Variants in DHRSX observed in about 807,000 individuals in gnomAD.
DHRSX encodes the protein dehydrogenase/reductase X-linked, also known as polyprenol dehydrogenase.
A neutral mutation model predicts 34.0 loss-of-function variants in DHRSX; 31 were observed. That is an observed-to-expected ratio of 0.91 (90% CI 0.69 to 1.23). The LOEUF is 1.23. DHRSX is among the 50% of genes most tolerant of loss of function. DHRSX has a pLI of 0.00. For synonymous variants in DHRSX, 201 were observed against 183.8 expected, an observed-to-expected ratio of 1.09 and a Z score of -0.76; for missense variants, 414 against 428.1, an observed-to-expected ratio of 0.97 and a Z score of 0.29.
chrX:2,262,689 C>G (rs1259775723), intron 5 of DHRSX, among the ~76,000 whole-genome samples: 1 of 152,248 alleles, frequency 6.6e-6, no homozygotes, highest in African/African-American at 2.4e-5. Context: ...TCCTCTCACC[C>G]GCCCTTCCCT....
At chrX:2,321,607 A>T (rs1247345926) in intron 3 of DHRSX, among the ~76,000 whole-genome samples, 1 of 151,958 alleles carries the variant, frequency 6.6e-6, no homozygotes, top group Non-Finnish European at 1.5e-5. Context: ...CTGCGAGACC[A>T]TCTGTAAACC....
Position 2,345,750 on chromosome X carries a change from C to G in DHRSX, c.287-54147G>C, listed in dbSNP as rs182360829. Among the ~76,000 whole-genome samples the G allele has an allele frequency of 7.9e-5, 12 of 151,852 alleles. No homozygotes were observed. The East Asian group carries it at 1.2e-3, about 15-fold the overall frequency. ...GGGCCTGGTCCAATCAGTTGAAGGT[C>G]TGACTAGAACAGAAGACTAATGTTA... On this transcript the variant is annotated intron_variant, in intron 3 of 6. Coordinates refer to ENST00000334651, the MANE Select transcript of DHRSX (RefSeq NM_145177.3).
At chrX:2,323,178 T>A (rs1263497974) in intron 3 of DHRSX, among the ~76,000 whole-genome samples, 4 of 152,114 alleles carry the variant, frequency 2.6e-5, no homozygotes, top group Non-Finnish European at 5.9e-5. Flanking sequence ...TACCCAAAGT[T>A]ATCCAACCAA....
At chrX:2,248,273 A>G (rs1285849179) in intron 5 of DHRSX, among the ~76,000 whole-genome samples, 4 of 152,026 alleles carry the variant, frequency 2.6e-5, no homozygotes, top group African/African-American at 9.7e-5. Context: ...CTCTACTAAA[A>G]ATACAAAAAA....
intron 5 of DHRSX, among the ~76,000 whole-genome samples, chrX:2,245,546 G>T (rs943628732): frequency 1.5e-4 from 22 of 150,846 alleles, no homozygotes; most frequent in African/African-American, 4.9e-4. Context: ...CTGACCTCAG[G>T]TGATCCGCCT....
chrX:2,375,452 T>C (rs1661309580), intron 3 of DHRSX, among the ~76,000 whole-genome samples: 1 of 138,222 alleles, frequency 7.2e-6, no homozygotes, highest in South Asian at 2.3e-4. Flanking sequence ...CCCCTCGCAG[T>C]TTATATTTAG....
chrX:2,340,636 C>T (rs1271282006), intron 3 of DHRSX, among the ~76,000 whole-genome samples: 7 of 152,176 alleles, frequency 4.6e-5, no homozygotes, highest in Non-Finnish European at 1.0e-4. Context: ...CTGGACTCCC[C>T]GCCAGACACC....
intron 3 of DHRSX, among the ~76,000 whole-genome samples, chrX:2,379,608 T>TG (rs898290386): frequency 3.1e-4 from 44 of 143,656 alleles, no homozygotes; most frequent in South Asian, 8.9e-4. Context: ...TTTTTTTTTT[T>TG]TTTTTTTTTT....
intron 3 of DHRSX, among the ~76,000 whole-genome samples, chrX:2,357,715 A>G (rs1602999128): frequency 6.6e-6 from 1 of 151,928 alleles, no homozygotes; most frequent in East Asian, 1.9e-4. Flanking sequence ...AAAAAAAAAA[A>G]AAAAAGAATC....
intron 1 of DHRSX, among the ~76,000 whole-genome samples, chrX:2,460,112 C>A (rs1412188538): frequency 6.6e-6 from 1 of 151,936 alleles, no homozygotes; most frequent in Admixed American, 6.6e-5. Context: ...CCTTCTCAAA[C>A]AAACAAACAA....
At chrX:2,282,860 GGGGAGAGAGA>G (rs953682709) in intron 4 of DHRSX, among the ~76,000 whole-genome samples, 22 of 133,850 alleles carry the variant, frequency 1.6e-4, no homozygotes, top group African/African-American at 4.5e-4. Context: ...GAAGGGAGAA[GGGGAGAGAGA>G]GGGGGAGAGA....
chrX:2,496,099 C>T (rs968917587), intron 1 of DHRSX, among the ~76,000 whole-genome samples: 3 of 152,174 alleles, frequency 2.0e-5, no homozygotes, highest in African/African-American at 7.2e-5. Flanking sequence ...AGGAGGAATC[C>T]GTTTCAGTGA....
intron 3 of DHRSX, among the ~76,000 whole-genome samples, chrX:2,344,382 C>A (rs193082211): frequency 2.0e-4 from 31 of 152,198 alleles, no homozygotes; most frequent in Non-Finnish European, 3.8e-4. Flanking sequence ...AATAGGAACG[C>A]TTTTACACTG....
intron 3 of DHRSX, among the ~76,000 whole-genome samples, chrX:2,325,627 G>C (rs1476353307): frequency 6.8e-6 from 1 of 147,922 alleles, no homozygotes; most frequent in Non-Finnish European, 1.5e-5. Context: ...CCAATCTCTC[G>C]GAGAGCCCCG....
chrX:2,327,805 G>T (rs2042405120), intron 3 of DHRSX, among the ~76,000 whole-genome samples: 1 of 152,128 alleles, frequency 6.6e-6, no homozygotes, highest in African/African-American at 2.4e-5. Flanking sequence ...ATGAGGCCGG[G>T]TGTGGTGGCT....
At chrX:2,462,197 A>G (rs1380836605) in intron 1 of DHRSX, among the ~76,000 whole-genome samples, 1 of 148,230 alleles carries the variant, frequency 6.7e-6, no homozygotes, top group Non-Finnish European at 1.5e-5. Context: ...AAAAAAAAAA[A>G]AAGAAAAAAG....
chrX:2,338,367 C>T (rs2042597021), intron 3 of DHRSX, among the ~76,000 whole-genome samples: 1 of 151,228 alleles, frequency 6.6e-6, no homozygotes, highest in African/African-American at 2.4e-5. Context: ...AAGGAAGTCA[C>T]ACTCACAACC....
At chrX:2,366,252 G>A (rs1396097663) in intron 3 of DHRSX, among the ~76,000 whole-genome samples, 1 of 151,988 alleles carries the variant, frequency 6.6e-6, no homozygotes, top group Admixed American at 6.6e-5. Flanking sequence ...GACCAGCCTG[G>A]CCAACCTAGT....
At chrX:2,482,631 T>C (rs2044791751) in intron 1 of DHRSX, among the ~76,000 whole-genome samples, 2 of 152,174 alleles carry the variant, frequency 1.3e-5, no homozygotes, top group African/African-American at 4.8e-5. Context: ...AATTTAAACA[T>C]GTAAGAAGCA....
Sources: allele counts gnomAD v4.1 joint callset (sites outside exome capture counted in the v4.1 genomes callset), GRCh38; gene constraint gnomAD v4.1.1; transcripts MANE v1.5; gene names NCBI Gene and HGNC (gene_info 2026-07-23, HGNC 2026-07-21).